The following ZNF331 variants were observed in gnomAD, a reference collection of about 807,000 sequenced individuals.
ZNF331 encodes the protein zinc finger protein 331, also known as C2H2-like zinc finger protein rearranged in thyroid adenomas.
ZNF331 carries 2 observed loss-of-function variants against 7.0 expected under a neutral mutation model. The observed-to-expected ratio is 0.29, with a 90% CI of 0.12 to 0.90. ZNF331 has a LOEUF of 0.90. Among genes scored for constraint, ZNF331 ranks in the 40% least tolerant of loss-of-function variants. The pLI is 0.58. For synonymous variants in ZNF331, 196 were observed against 205.4 expected, an observed-to-expected ratio of 0.95 and a Z score of 0.39; for missense variants, 432 against 587.7, an observed-to-expected ratio of 0.74 and a Z score of 2.74.
At chr19:53,544,370 C>A (rs1437560307) in intron 2 of ZNF331, among the ~76,000 whole-genome samples, 1 of 150,594 alleles carries the variant, frequency 6.6e-6, no homozygotes. Context: ...ACGGTGAAAC[C>A]CCATCTCTAC....
chr19:53,556,510 A>C (rs2147480261), intron 3 of ZNF331, among the ~76,000 whole-genome samples: 1 of 148,600 alleles, frequency 6.7e-6, no homozygotes, highest in Non-Finnish European at 1.5e-5. Flanking sequence ...TTTTTTTTAG[A>C]GACAGGGTCT....
In ZNF331 at chr19:53,569,315, C is replaced by G; in HGVS notation, c.-62C>G. ...TTTTCCACCCCTAGCTCTAGCCTCT[C>G]GGAATTTGTCTTCTTCAGTGGAAAC... On this transcript the variant is annotated 5_prime_UTR_variant, in exon 4 of 6. Transcript: ENST00000449416. 1.3e-6 allele frequency: 2 copies of G among 1,598,762 alleles called. No homozygotes were observed. Among genetic ancestry groups the G allele is most frequent in the Non-Finnish European group, 1.7e-6 (2 of 1,167,734 alleles).
At chr19:53,504,463 C>G in the ZNF331 span, among the ~76,000 whole-genome samples, 1 of 151,902 alleles carries the variant, frequency 6.6e-6, no homozygotes, top group Admixed American at 6.6e-5. Flanking sequence ...CCCCCTCCAC[C>G]CACACCGCCC....
In ZNF331 at chr19:53,571,789, G is replaced by A; in HGVS notation, c.136+59G>A. On this transcript the variant is annotated intron_variant, in intron 5 of 5. Coordinates refer to ENST00000449416, the MANE Select transcript of ZNF331 (RefSeq NM_001079906.2). The surrounding 1 kb of genome is among the most constrained non-coding windows in gnomAD (Gnocchi z 4.7). ...TCCTGGAATATCCGCTCTCCCCTGT[G>A]AATTTCAGGACCGCCTTTCAAGAAA... is the stretch of plus-strand genomic sequence containing the variant. 1 of 1,533,174 alleles carries A rather than the reference G, an allele frequency of 6.5e-7. No homozygotes were observed. The highest frequency in any genetic ancestry group is 8.8e-7 in the Non-Finnish European group (1 of 1,140,424). The allele number at this position is 1,533,174 out of a possible 1,614,324, so 95.0% of individuals were successfully genotyped here. A position where few individuals can be genotyped will look rare whatever the true frequency, so the allele number is the denominator to read the frequency against.
At chr19:53,569,057 C>T (rs1229587746) in intron 3 of ZNF331, among the ~76,000 whole-genome samples, 1 of 151,936 alleles carries the variant, frequency 6.6e-6, no homozygotes, top group African/African-American at 2.4e-5. Context: ...AGGGTTTCAC[C>T]GTGTTAGCCA....
At chr19:53,544,272 G>A (rs12983729) in intron 2 of ZNF331, among the ~76,000 whole-genome samples, 19,031 of 149,240 alleles carry the variant, frequency 0.13, 1,514 homozygotes, top group Admixed American at 0.18. Flanking sequence ...TAGGCCGGGT[G>A]TGGTGGCTCA....
At chr19:53,506,454 C>CTGTCTG in the ZNF331 span, among the ~76,000 whole-genome samples, 1 of 100,748 alleles carries the variant, frequency 9.9e-6, no homozygotes, top group East Asian at 2.6e-4. Context: ...GTCTCTCTCT[C>CTGTCTG]TCTCTCTCTC....
rs530270986 is a variant in ZNF331, at chr19:53,544,983, A to C, written c.-138+5701A>C. Among the ~76,000 whole-genome samples, 7 of 152,130 alleles carry C rather than the reference A, an allele frequency of 4.6e-5. No individual in the cohort carries two copies. In the South Asian group the frequency reaches 1.5e-3, roughly 32 times the overall value. ...TTGTGATCTGCCTGCCTTGGCCTCC[A>C]AAAGTGCTGGGATTACAGGCATGAG... On this transcript the variant is annotated intron_variant, in intron 2 of 5. Coordinates refer to ENST00000449416, the MANE Select transcript of ZNF331 (RefSeq NM_001079906.2).
chr19:53,511,082 A>G, the ZNF331 span, among the ~76,000 whole-genome samples: 2 of 152,172 alleles, frequency 1.3e-5, no homozygotes, highest in Admixed American at 1.3e-4. Flanking sequence ...CATATCCACA[A>G]CAAGAGCTGT....
chr19:53,518,303 C>T (rs1287654155), upstream of ZNF331, among the ~76,000 whole-genome samples: 2 of 151,972 alleles, frequency 1.3e-5, no homozygotes, highest in Admixed American at 6.5e-5. Flanking sequence ...TGCCGGGGGC[C>T]CTGTGGCCTC....
rs576901776 is a variant in ZNF331 at position 53,559,577 on chromosome 19, A to G, written c.-74+3669A>G. On this transcript the variant is annotated intron_variant, in intron 3 of 5. Coordinates refer to ENST00000449416, the MANE Select transcript of ZNF331 (RefSeq NM_001079906.2). ...TATACACACCTACATATATACACAC[A>G]TATATACACATTCATACATGTACAT... 6.6e-5 allele frequency among the ~76,000 whole-genome samples: 10 copies of G among 151,220 alleles called. No homozygotes were observed. The East Asian group carries it at 1.6e-3, about 23-fold the overall frequency.
At chr19:53,540,383 T>C (rs1313169463) in intron 2 of ZNF331, among the ~76,000 whole-genome samples, 2 of 152,080 alleles carry the variant, frequency 1.3e-5, no homozygotes, top group African/African-American at 4.8e-5. Flanking sequence ...TTGGAGGCTC[T>C]TTGGCAGAGC....
chr19:53,522,650 G>T (rs1324582288), exon 2 of ZNF331: 1 of 152,202 alleles, frequency 6.6e-6, no homozygotes, highest in East Asian at 1.9e-4. Flanking sequence ...GGAGGAGGAA[G>T]AAGAAGTGTT....
chr19:53,553,546 C>G (rs1054699612), intron 2 of ZNF331, among the ~76,000 whole-genome samples: 1 of 152,194 alleles, frequency 6.6e-6, no homozygotes, highest in African/African-American at 2.4e-5. Context: ...GTGTACTACT[C>G]TAGCTATTTC....
At chr19:53,519,425 A>G (rs1474683077), upstream of ZNF331, among the ~76,000 whole-genome samples, 3 of 152,234 alleles carry the variant, frequency 2.0e-5, no homozygotes, top group Non-Finnish European at 4.4e-5. Context: ...CCTGACCACA[A>G]GGCGAACAAA....
intron 2 of ZNF331, among the ~76,000 whole-genome samples, chr19:53,545,495 C>T (rs1025075943): frequency 3.3e-5 from 5 of 152,188 alleles, no homozygotes; most frequent in African/African-American, 7.2e-5. Flanking sequence ...TGAGAACAGC[C>T]GTGGCTCGCC....
intron 2 of ZNF331, among the ~76,000 whole-genome samples, chr19:53,540,136 A>C (rs1379605789): frequency 2.0e-5 from 3 of 152,138 alleles, no homozygotes; most frequent in African/African-American, 7.2e-5. Flanking sequence ...TATTGAGCGC[A>C]TTTTTGTACC....
At chr19:53,557,831 GC>G (rs1417829641) in intron 3 of ZNF331, among the ~76,000 whole-genome samples, 1 of 152,178 alleles carries the variant, frequency 6.6e-6, no homozygotes, top group East Asian at 1.9e-4. Flanking sequence ...GGGTGTGGTG[GC>G]GCATGCCTGT....
rs777562609 is a variant in ZNF331 at position 53,577,385 on chromosome 19, C to T, written c.825C>T (p.Asp275=). ...HSGEKPYECK[D]CGKAFICGSS... ...GGGAGAAGCCTTACGAGTGTAAAGA[C>T]TGTGGGAAGGCTTTTATTTGTGGTT... The change falls in exon 6 of 6, where the codon GAC becomes GAT. Residue 275 remains aspartate, a synonymous_variant. Transcript: ENST00000449416. 8.1e-6 allele frequency: 13 copies of T among 1,614,060 alleles called. No individual in the cohort carries two copies. The highest frequency in any genetic ancestry group is 1.1e-5 in the Non-Finnish European group (13 of 1,180,046).
Sources: allele counts gnomAD v4.1 joint callset (sites outside exome capture counted in the v4.1 genomes callset), GRCh38; gene constraint gnomAD v4.1.1; non-coding constraint Gnocchi (gnomAD v3.1); transcripts MANE v1.5; gene names NCBI Gene and HGNC (gene_info 2026-07-23, HGNC 2026-07-21).